The following CPE variants were observed in gnomAD, a reference collection of about 807,000 sequenced individuals.
The protein encoded by CPE is carbocypeptidase E.
In CPE, 17 loss-of-function variants were observed where a neutral mutation model predicts 53.5. The observed-to-expected ratio is 0.32, with a 90% CI of 0.22 to 0.48. The LOEUF is 0.48. Among genes scored for constraint, CPE ranks in the 20% least tolerant of loss-of-function variants. The pLI, the probability that CPE is intolerant of heterozygous loss-of-function variation, is 0.99. For missense variants in CPE, 524 were observed against 614.7 expected (o/e 0.85, Z 1.56); for synonymous variants, 226 against 228.8 (o/e 0.99, Z 0.11).
intron 1 of CPE, among the ~76,000 whole-genome samples, chr4:165,452,613 T>C (rs1372105901): frequency 4.6e-5 from 7 of 152,132 alleles, no homozygotes; most frequent in African/African-American, 1.7e-4. Context: ...TGGGGGAAGA[T>C]CATTCATAGT....
intron 8 of CPE, 67 bp from the exon 9 acceptor site, chr4:165,497,445 T>A (rs1933552894): frequency 1.1e-6 from 1 of 911,226 alleles, no homozygotes; most frequent in Non-Finnish European, 1.6e-6. Flanking sequence ...CTGCTCTTAT[T>A]TTTTTATTTC....
At chr4:165,396,074 G>A (rs901223550) in intron 1 of CPE, among the ~76,000 whole-genome samples, 1 of 152,126 alleles carries the variant, frequency 6.6e-6, no homozygotes, top group African/African-American at 2.4e-5. Context: ...AAAAAGGTAT[G>A]TGTGTGTTGA....
At chr4:165,390,594 A>C (rs1289737904) in intron 1 of CPE, among the ~76,000 whole-genome samples, 1 of 152,156 alleles carries the variant, frequency 6.6e-6, no homozygotes, top group African/African-American at 2.4e-5. Context: ...TTTTGGGTTG[A>C]ATGTTATTAA....
At chr4:165,471,376 C>T (rs963774392) in intron 3 of CPE, among the ~76,000 whole-genome samples, 4 of 152,184 alleles carry the variant, frequency 2.6e-5, no homozygotes, top group African/African-American at 9.6e-5. Flanking sequence ...GAATCTAATA[C>T]CAAGTTATTA....
At chr4:165,497,007 C>T (rs1732713946) in intron 8 of CPE, among the ~76,000 whole-genome samples, 1 of 152,304 alleles carries the variant, frequency 6.6e-6, no homozygotes, top group Middle Eastern at 3.4e-3. Flanking sequence ...ACTGCAAGCT[C>T]TGCCTCCCGG....
intron 1 of CPE, among the ~76,000 whole-genome samples, chr4:165,430,859 A>G (rs1033576372): frequency 9.2e-5 from 14 of 152,180 alleles, no homozygotes; most frequent in African/African-American, 3.1e-4. Flanking sequence ...TCCAGAGGAA[A>G]TGAATGATGG....
At chr4:165,423,941 A>G (rs1731272854) in intron 1 of CPE, among the ~76,000 whole-genome samples, 2 of 151,788 alleles carry the variant, frequency 1.3e-5, no homozygotes, top group African/African-American at 4.8e-5. Context: ...ATGATTTCCA[A>G]TTTCATCCAT....
chr4:165,466,567 A>G (rs1732107700), intron 2 of CPE, among the ~76,000 whole-genome samples: 1 of 151,886 alleles, frequency 6.6e-6, no homozygotes, highest in East Asian at 1.9e-4. Flanking sequence ...ACCAGGATGG[A>G]GTGCAATGGC....
intron 6 of CPE, among the ~76,000 whole-genome samples, chr4:165,488,734 C>T (rs1311070581): frequency 6.6e-6 from 1 of 152,070 alleles, no homozygotes; most frequent in Non-Finnish European, 1.5e-5. Flanking sequence ...ATAAAATCAA[C>T]ACTTTTTTTA....
intron 1 of CPE, among the ~76,000 whole-genome samples, chr4:165,399,838 T>C (rs1241838561): frequency 2.0e-5 from 3 of 151,990 alleles, no homozygotes; most frequent in South Asian, 4.2e-4. Flanking sequence ...AGACTTCTGA[T>C]TGGCTTAATC....
intron 1 of CPE, among the ~76,000 whole-genome samples, chr4:165,448,299 C>T (rs996962435): frequency 2.0e-5 from 3 of 152,210 alleles, no homozygotes; most frequent in African/African-American, 2.4e-5. Context: ...ACTTATTGAC[C>T]GTTACGATGG....
chr4:165,428,211 A>T (rs951093975), intron 1 of CPE, among the ~76,000 whole-genome samples: 4 of 152,004 alleles, frequency 2.6e-5, no homozygotes, highest in African/African-American at 4.8e-5. Flanking sequence ...TTAATTTTTT[A>T]AATGTTAATT....
chr4:165,443,189 T>C (rs1731643960), intron 1 of CPE, among the ~76,000 whole-genome samples: 2 of 152,192 alleles, frequency 1.3e-5, no homozygotes, highest in African/African-American at 4.8e-5. Context: ...TTCTCCTTTG[T>C]AGAAGCCACA....
intron 1 of CPE, among the ~76,000 whole-genome samples, chr4:165,461,166 C>CA (rs1173022270): frequency 0.012 from 509 of 44,132 alleles, 39 homozygotes; most frequent in South Asian, 0.02. Context: ...GCCTCTGCCT[C>CA]AAAAAAAAAA....
rs573157836 is a variant in CPE at position 165,405,410 on chromosome 4, G to A, written c.307+25882G>A. ...TTTCTGAGATTCAGAGAGATAACCA[G>A]CATCGCTCCCTTGCTCAATTCCAGT... On this transcript the variant is annotated intron_variant, in intron 1 of 8. Transcript: ENST00000402744. 3.5e-5 allele frequency: 33 copies of A among 941,486 alleles called. No homozygotes were observed. The South Asian group carries it at 3.9e-4, about 11-fold the overall frequency. 58.3% of individuals were successfully genotyped at this position (941,486 alleles called of 1,614,324 possible).
At chr4:165,395,688 G>C (rs1367920813) in intron 1 of CPE, among the ~76,000 whole-genome samples, 1 of 152,182 alleles carries the variant, frequency 6.6e-6, no homozygotes, top group Non-Finnish European at 1.5e-5. Context: ...TGCATGATAT[G>C]TAGTTCAAAG....
intron 1 of CPE, among the ~76,000 whole-genome samples, chr4:165,431,020 A>G (rs1453113802): frequency 6.6e-6 from 1 of 152,158 alleles, no homozygotes; most frequent in Non-Finnish European, 1.5e-5. Flanking sequence ...AGACTTTGTG[A>G]TCATACCTAA....
intron 3 of CPE, among the ~76,000 whole-genome samples, chr4:165,468,397 T>C (rs935817569): frequency 6.6e-6 from 1 of 152,164 alleles, no homozygotes; most frequent in African/African-American, 2.4e-5. Context: ...ACACAAGGTC[T>C]CCCAGATCCG....
At chr4:165,417,268 C>A (rs1731140263) in intron 1 of CPE, among the ~76,000 whole-genome samples, 1 of 151,992 alleles carries the variant, frequency 6.6e-6, no homozygotes, top group South Asian at 2.1e-4. Flanking sequence ...TCCTAGAAGT[C>A]AAGTGTAGCC....
Sources: gnomAD v4.1 joint callset for allele counts (sites outside exome capture counted in the v4.1 genomes callset) on GRCh38, gnomAD v4.1.1 for gene constraint, MANE v1.5 for transcripts, NCBI Gene and HGNC (gene_info 2026-07-23, HGNC 2026-07-21) for gene names.